Variants in TBCK observed in about 807,000 individuals in gnomAD.
TBCK encodes the protein TBC1 domain containing kinase.
TBCK carries 99 observed loss-of-function variants against 113.4 expected under a neutral mutation model. The observed-to-expected ratio is 0.87, with a 90% CI of 0.74 to 1.03. TBCK has a LOEUF of 1.03. Among genes scored for constraint, TBCK ranks in the 50% least tolerant of loss-of-function variants. The pLI is 0.00. For synonymous variants in TBCK, 369 were observed against 370.8 expected (o/e 1.00, Z 0.05); for missense variants, 1,045 against 1,061.3 (o/e 0.98, Z 0.21).
intron 19 of TBCK, among the ~76,000 whole-genome samples, chr4:106,219,467 C>T (rs532786833): frequency 6.1e-4 from 92 of 151,378 alleles, no homozygotes; most frequent in Non-Finnish European, 3.4e-4. Context: ...AGTAGAGATA[C>T]GGTAGGCAAT....
chr4:106,122,147 A>C (rs1744482860), intron 23 of TBCK, among the ~76,000 whole-genome samples: 1 of 151,880 alleles, frequency 6.6e-6, no homozygotes, highest in African/African-American at 2.4e-5. Context: ...TAAAGAAAAA[A>C]AGAGAGAAGA....
intron 24 of TBCK, among the ~76,000 whole-genome samples, chr4:106,105,081 T>C (rs1268879263): frequency 1.3e-5 from 2 of 152,242 alleles, no homozygotes; most frequent in African/African-American, 4.8e-5. Context: ...CCACTGTCTC[T>C]GCAGTGGAAC....
At chr4:106,084,593 C>A (rs180777790) in intron 25 of TBCK, among the ~76,000 whole-genome samples, 2 of 151,986 alleles carry the variant, frequency 1.3e-5, no homozygotes, top group African/African-American at 4.8e-5. Flanking sequence ...AGAACACCAC[C>A]GTTAAGATAC....
intron 25 of TBCK, among the ~76,000 whole-genome samples, chr4:106,084,886 G>T (rs999474160): frequency 6.6e-6 from 1 of 152,174 alleles, no homozygotes; most frequent in South Asian, 2.1e-4. Context: ...AGCAAATGCT[G>T]AGGAATTTCA....
intron 23 of TBCK, among the ~76,000 whole-genome samples, chr4:106,127,607 A>C (rs1258334856): frequency 1.3e-5 from 2 of 152,116 alleles, no homozygotes; most frequent in African/African-American, 4.8e-5. Flanking sequence ...CAGAAAACCT[A>C]CATGTTCATA....
At chr4:106,273,626 T>C (rs1245683290) in intron 3 of TBCK, among the ~76,000 whole-genome samples, 2 of 152,132 alleles carry the variant, frequency 1.3e-5, no homozygotes, top group Non-Finnish European at 2.9e-5. Context: ...AGCGTTCTTA[T>C]AAAAGGGAGA....
chr4:106,125,580 C>CCA (rs1420590321), intron 23 of TBCK, among the ~76,000 whole-genome samples: 9 of 152,044 alleles, frequency 5.9e-5, no homozygotes, highest in African/African-American at 2.2e-4. Flanking sequence ...TGGAGGTCAT[C>CCA]ATGTTAAGTG....
intron 24 of TBCK, among the ~76,000 whole-genome samples, chr4:106,099,449 C>G (rs917153401): frequency 2.7e-4 from 41 of 152,134 alleles, no homozygotes; most frequent in African/African-American, 9.2e-4. Flanking sequence ...TATTATAGAC[C>G]TTTCAGCCCA....
At chr4:106,073,845 C>T (rs1214023620) in intron 25 of TBCK, among the ~76,000 whole-genome samples, 3 of 152,236 alleles carry the variant, frequency 2.0e-5, no homozygotes, top group Non-Finnish European at 4.4e-5. Context: ...CCCAGCTAGG[C>T]TGCCGCCTCA....
intron 19 of TBCK, among the ~76,000 whole-genome samples, chr4:106,227,821 C>T (rs1758403052): frequency 6.6e-6 from 1 of 151,866 alleles, no homozygotes; most frequent in African/African-American, 2.4e-5. Context: ...TTAAAATACA[C>T]AGAATCTTGT....
chr4:106,101,529 A>G (rs902454514), intron 24 of TBCK, among the ~76,000 whole-genome samples: 5 of 152,244 alleles, frequency 3.3e-5, no homozygotes, highest in Non-Finnish European at 7.3e-5. Flanking sequence ...AAGAGACAAG[A>G]GTAATACTAG....
rs1170788348 is a variant in TBCK, at chr4:106,235,444, C to T, written c.1351-77G>A. The T allele has an allele frequency of 5.6e-6, 5 of 900,746 alleles. No individual in the cohort carries two copies. The Admixed American group carries it at 1.6e-4, about 29-fold the overall frequency. The allele number at this position is 900,746 out of a possible 1,614,324, so 55.8% of individuals were successfully genotyped here. ...TTTAGTCTAGACAGTTCTGAATATA[C>T]CCATGATAAAACTTAAGTGACTTGC... On this transcript the variant is annotated intron_variant, in intron 14 of 25. Transcript: ENST00000394708.
chr4:106,111,294 G>A (rs1379860835), intron 24 of TBCK, among the ~76,000 whole-genome samples: 1 of 152,168 alleles, frequency 6.6e-6, no homozygotes, highest in Non-Finnish European at 1.5e-5. Flanking sequence ...ACTTTTGCAT[G>A]ACTTACGTGC....
chr4:106,123,779 G>A (rs1379325160), intron 23 of TBCK, among the ~76,000 whole-genome samples: 1 of 150,384 alleles, frequency 6.6e-6, no homozygotes, highest in Non-Finnish European at 1.5e-5. Context: ...AAATGGTGCT[G>A]GGAAAACTGG....
chr4:106,070,204 T>A (rs1737222223), intron 25 of TBCK, among the ~76,000 whole-genome samples: 1 of 152,206 alleles, frequency 6.6e-6, no homozygotes, highest in Non-Finnish European at 1.5e-5. Context: ...AGAGAGGGCA[T>A]CCCTGTCTTG....
chr4:106,197,436 A>AATG (rs1754394692), intron 20 of TBCK, among the ~76,000 whole-genome samples: 2 of 117,024 alleles, frequency 1.7e-5, no homozygotes, highest in South Asian at 3.1e-4. Flanking sequence ...TATATATAAT[A>AATG]CAAAGTAGGG....
intron 17 of TBCK, 75 bp from the exon 18 acceptor site, chr4:106,231,854 A>G: frequency 8.0e-7 from 1 of 1,246,766 alleles, no homozygotes; most frequent in Admixed American, 2.1e-5. Flanking sequence ...ACCTTATTCA[A>G]TTCTTTGCAT....
intron 15 of TBCK, 112 bp from the exon 16 acceptor site, chr4:106,233,762 G>C (rs879652034): frequency 2.2e-5 from 17 of 788,878 alleles, no homozygotes; most frequent in Admixed American, 7.8e-5. Flanking sequence ...CCCAACTACA[G>C]ATAAGCACAT....
At chr4:106,286,527 AT>A (rs960238675) in intron 3 of TBCK, among the ~76,000 whole-genome samples, 1 of 152,176 alleles carries the variant, frequency 6.6e-6, no homozygotes, top group African/African-American at 2.4e-5. Flanking sequence ...GTTCAAAAAC[AT>A]TTTTAAAAAA....
Sources: gnomAD v4.1 joint callset for allele counts (sites outside exome capture counted in the v4.1 genomes callset) on GRCh38, gnomAD v4.1.1 for gene constraint, MANE v1.5 for transcripts, NCBI Gene and HGNC (gene_info 2026-07-23, HGNC 2026-07-21) for gene names.